SPON1: variants seen among roughly 807,000 people sequenced by gnomAD.
The protein encoded by SPON1 is spondin-1.
In SPON1, 52 loss-of-function variants were observed where a neutral mutation model predicts 111.7. The ratio of observed to expected loss-of-function variants is 0.47; its 90% CI spans 0.37 to 0.59. The LOEUF (loss-of-function observed/expected upper bound fraction) is 0.59, where lower values mean the gene tolerates loss of function less well. SPON1 is among the 20% of genes least tolerant of loss of function. The probability of loss-of-function intolerance (pLI) is 0.00; values close to 1 mark genes in which losing one functional copy is unlikely to be tolerated. For synonymous variants in SPON1, 410 were observed against 395.8 expected, an observed-to-expected ratio of 1.04 and a Z score of -0.43; for missense variants, 957 against 1,068.5, an observed-to-expected ratio of 0.90 and a Z score of 1.46.
At chr11:14,225,409 T>A (rs1448484284) in intron 6 of SPON1, among the ~76,000 whole-genome samples, 3 of 151,960 alleles carry the variant, frequency 2.0e-5, no homozygotes, top group Admixed American at 6.6e-5. Flanking sequence ...CCAAACAGCA[T>A]CCTCTCTCCT....
intron 3 of SPON1, among the ~76,000 whole-genome samples, chr11:14,059,293 A>C (rs1848770942): frequency 6.6e-6 from 1 of 152,174 alleles, no homozygotes; most frequent in African/African-American, 2.4e-5. Context: ...TCAGGGGGAA[A>C]GGCTGTGCCC....
chr11:14,211,452 T>C (rs1212084453), intron 6 of SPON1, among the ~76,000 whole-genome samples: 1 of 152,164 alleles, frequency 6.6e-6, no homozygotes, highest in Non-Finnish European at 1.5e-5. Flanking sequence ...CAAGGAGAAC[T>C]ACAAACCACT....
At chr11:14,167,956 C>T (rs1209321556) in intron 6 of SPON1, among the ~76,000 whole-genome samples, 11 of 152,238 alleles carry the variant, frequency 7.2e-5, no homozygotes, top group African/African-American at 2.6e-4. Flanking sequence ...CTATAAAATC[C>T]TCTGAACTGG....
chr11:13,974,299 G>C (rs1848085803), intron 1 of SPON1, among the ~76,000 whole-genome samples: 1 of 152,186 alleles, frequency 6.6e-6, no homozygotes, highest in Non-Finnish European at 1.5e-5. Flanking sequence ...GGGCATTTCA[G>C]TAACACATAG....
chr11:14,222,194 A>G (rs1358112539), intron 6 of SPON1, among the ~76,000 whole-genome samples: 1 of 152,218 alleles, frequency 6.6e-6, no homozygotes, highest in African/African-American at 2.4e-5. Context: ...ACATTTCATA[A>G]TCTCTTCCTT....
intron 5 of SPON1, among the ~76,000 whole-genome samples, chr11:14,098,087 C>T (rs879953423): frequency 4.6e-5 from 7 of 152,238 alleles, no homozygotes; most frequent in Non-Finnish European, 1.0e-4. Context: ...GCTCCGCCTC[C>T]CGGGTTCACA....
chr11:14,254,972 C>G (rs1849090396), intron 8 of SPON1, among the ~76,000 whole-genome samples: 1 of 152,192 alleles, frequency 6.6e-6, no homozygotes, highest in Non-Finnish European at 1.5e-5. Flanking sequence ...CAGGGGACAG[C>G]ATTCCAAAGC....
intron 14 of SPON1, among the ~76,000 whole-genome samples, chr11:14,261,576 C>A (rs1849182870): frequency 6.6e-6 from 1 of 152,200 alleles, no homozygotes; most frequent in Non-Finnish European, 1.5e-5. Context: ...CAAGGATAGG[C>A]CTTACTTAAT....
chr11:14,172,585 C>T (rs1430917697), intron 6 of SPON1, among the ~76,000 whole-genome samples: 1 of 151,984 alleles, frequency 6.6e-6, no homozygotes, highest in Non-Finnish European at 1.5e-5. Context: ...TTCTTCCTAG[C>T]CTCGATGGTC....
At chr11:13,996,991 C>T (rs566047799) in intron 2 of SPON1, among the ~76,000 whole-genome samples, 1 of 152,006 alleles carries the variant, frequency 6.6e-6, no homozygotes, top group Non-Finnish European at 1.5e-5. Context: ...CAGTGAACAC[C>T]GTAACACATA....
intron 6 of SPON1, among the ~76,000 whole-genome samples, chr11:14,183,891 T>C (rs1026364697): frequency 5.9e-5 from 9 of 152,164 alleles, no homozygotes; most frequent in African/African-American, 2.2e-4. Context: ...AATATGATAA[T>C]AATATTCACC....
Position 14,259,528 on chromosome 11 carries a change from C to T in SPON1, c.1664-6C>T. 1 of 1,556,356 alleles carries T rather than the reference C, an allele frequency of 6.4e-7. No individual in the cohort carries two copies. The highest frequency in any genetic ancestry group is 1.2e-5 in the South Asian group (1 of 84,304). ...GGTGCGACTCCAATGCCGCTGGCCTCCCCAGCTCCCAGCAGCTGCCTGATG... is the reference window on the plus strand; with the variant it reads ...GGTGCGACTCCAATGCCGCTGGCCTTCCCAGCTCCCAGCAGCTGCCTGATG... On this transcript the variant is annotated splice_polypyrimidine_tract_variant and splice_region_variant and intron_variant, in intron 12 of 15. Transcript: ENST00000576479. The surrounding 1 kb of genome is among the most constrained non-coding windows in gnomAD (Gnocchi z 5.0).
intron 5 of SPON1, among the ~76,000 whole-genome samples, chr11:14,095,765 C>G (rs1237327552): frequency 6.6e-6 from 1 of 152,226 alleles, no homozygotes; most frequent in East Asian, 1.9e-4. Flanking sequence ...TGTTAAGTTA[C>G]CTGATTCAAA....
intron 2 of SPON1, among the ~76,000 whole-genome samples, chr11:14,028,921 C>T (rs1199228530): frequency 3.3e-5 from 5 of 152,188 alleles, no homozygotes; most frequent in Admixed American, 2.6e-4. Context: ...CACATTTCAC[C>T]TGGTTTGAAG....
At position 14,068,101 on chromosome 11, in the gene SPON1, ATC is replaced by A. The variant is rs373229031; in HGVS notation, c.480-7240_480-7239del. Among the ~76,000 whole-genome samples the A allele has an allele frequency of 1.1e-3, 162 of 152,280 alleles. 3 individuals are homozygous for A. In the East Asian group the frequency reaches 0.022, roughly 21 times the overall value. ...TCCAGTTTTATTCTTGTCTTTTTAT[ATC>A]TCTTATATGAAAATCAATTCATCAT... On this transcript the variant is annotated intron_variant, in intron 3 of 15. Coordinates refer to ENST00000576479, the MANE Select transcript of SPON1 (RefSeq NM_006108.4).
At chr11:13,994,040 CT>C (rs1236670742) in intron 2 of SPON1, among the ~76,000 whole-genome samples, 1 of 152,100 alleles carries the variant, frequency 6.6e-6, no homozygotes, top group Non-Finnish European at 1.5e-5. Context: ...TCATAATCAC[CT>C]GTTTTTAAAC....
chr11:14,148,553 T>G (rs1313640772), intron 6 of SPON1, among the ~76,000 whole-genome samples: 1 of 152,176 alleles, frequency 6.6e-6, no homozygotes, highest in Non-Finnish European at 1.5e-5. Flanking sequence ...AAGCACATTG[T>G]GGGGTCTTGG....
rs1181387886 is a variant in SPON1 at position 14,267,162 on chromosome 11, A to C, written c.*1475A>C. On this transcript the variant is annotated 3_prime_UTR_variant, in exon 16 of 16. Transcript: ENST00000576479. ...CAAATACAACATAGTATAGTCCTGA[A>C]TATGTACTTTTAACACAAGAGAGAC... The C allele has an allele frequency of 6.6e-6, 1 of 152,248 alleles. No individual in the cohort carries two copies. The highest frequency in any genetic ancestry group is 1.5e-5 in the Non-Finnish European group (1 of 68,044). 9.4% of individuals were successfully genotyped at this position (152,248 alleles called of 1,614,324 possible).
At chr11:14,240,718 C>T (rs1848916199) in intron 6 of SPON1, among the ~76,000 whole-genome samples, 1 of 151,490 alleles carries the variant, frequency 6.6e-6, no homozygotes, top group African/African-American at 2.4e-5. Flanking sequence ...GGTGAATCTG[C>T]ATGGCCAGCT....
Sources: allele counts gnomAD v4.1 joint callset (sites outside exome capture counted in the v4.1 genomes callset), GRCh38; gene constraint gnomAD v4.1.1; non-coding constraint Gnocchi (gnomAD v3.1); transcripts MANE v1.5; gene names NCBI Gene and HGNC (gene_info 2026-07-23, HGNC 2026-07-21).